The following KYNU variants were observed in gnomAD, a reference collection of about 807,000 sequenced individuals.
KYNU encodes kynureninase, also known as L-kynurenine hydrolase.
KYNU carries 54 observed loss-of-function variants against 59.2 expected under a neutral mutation model. The ratio of observed to expected loss-of-function variants is 0.91; its 90% CI spans 0.73 to 1.14. The LOEUF is 1.14. Ranked by LOEUF, KYNU falls within the 50% of genes most tolerant of loss-of-function variation. The pLI is 0.00. For synonymous variants in KYNU, 177 were observed against 192.0 expected (o/e 0.92, Z 0.65); for missense variants, 567 against 554.4 (o/e 1.02, Z -0.23).
chr2:142,896,056 A>C (rs1326339277), intron 2 of KYNU, among the ~76,000 whole-genome samples: 1 of 152,174 alleles, frequency 6.6e-6, no homozygotes, highest in African/African-American at 2.4e-5. Context: ...TATAAATGTA[A>C]AAACATTCTT....
At chr2:143,030,219 C>T (rs545026992) in intron 11 of KYNU, among the ~76,000 whole-genome samples, 43 of 152,334 alleles carry the variant, frequency 2.8e-4, no homozygotes, top group Admixed American at 2.6e-3. Context: ...CTCATTTTCA[C>T]TCCTCTTTTT....
chr2:142,939,150 A>T (rs192908187), intron 4 of KYNU, among the ~76,000 whole-genome samples: 1 of 151,844 alleles, frequency 6.6e-6, no homozygotes, highest in East Asian at 2.0e-4. Context: ...CCTGTCTCAA[A>T]CAAAACAAAA....
chr2:142,929,487 G>A (rs1288761983), intron 4 of KYNU, among the ~76,000 whole-genome samples: 1 of 151,704 alleles, frequency 6.6e-6, no homozygotes, highest in African/African-American at 2.4e-5. Context: ...TAAAATATTT[G>A]AAGAGTAAAT....
At chr2:142,889,664 T>A (rs1442096635) in intron 2 of KYNU, among the ~76,000 whole-genome samples, 1 of 152,206 alleles carries the variant, frequency 6.6e-6, no homozygotes, top group Non-Finnish European at 1.5e-5. Context: ...TCTTTTTTGT[T>A]TTGACAAGAT....
chr2:142,958,078 A>T, intron 7 of KYNU: 1 of 248,642 alleles, frequency 4.0e-6, no homozygotes, highest in Non-Finnish European at 7.8e-6. Flanking sequence ...GACCAGAATT[A>T]TTTGTTAAAA....
intron 10 of KYNU, among the ~76,000 whole-genome samples, chr2:142,998,366 G>A (rs970038006): frequency 6.6e-6 from 1 of 152,060 alleles, no homozygotes; most frequent in African/African-American, 2.4e-5. Flanking sequence ...ATTTCATTAC[G>A]ATTGCATTTC....
intron 1 of KYNU, among the ~76,000 whole-genome samples, chr2:142,882,037 C>A (rs905564035): frequency 1.3e-5 from 2 of 149,962 alleles, no homozygotes; most frequent in Admixed American, 1.4e-4. Flanking sequence ...CAGGTGTGAA[C>A]CACCACAACC....
intron 4 of KYNU, among the ~76,000 whole-genome samples, chr2:142,940,758 C>T (rs1029882259): frequency 1.3e-5 from 2 of 152,168 alleles, no homozygotes; most frequent in Admixed American, 6.5e-5. Flanking sequence ...ACAAGACTGC[C>T]GCCACTTCAG....
Position 142,955,168 on chromosome 2 carries a change from A to G in KYNU, c.435+297A>G, listed in dbSNP as rs567385886. Among the ~76,000 whole-genome samples the G allele has an allele frequency of 3.0e-4, 45 of 152,170 alleles. 1 individual carries two copies. The South Asian group carries it at 8.9e-3, about 30-fold the overall frequency. ...ATGCAAGCCTACAAAACAGTGATGT[A>G]CAATGCTAGCAAAGCACTGACCTTT... is the stretch of plus-strand genomic sequence containing the variant. On this transcript the variant is annotated intron_variant, in intron 5 of 13. Transcript: ENST00000264170.
intron 10 of KYNU, among the ~76,000 whole-genome samples, chr2:143,028,263 T>TTTTTTA: frequency 6.9e-6 from 1 of 145,164 alleles, no homozygotes; most frequent in Admixed American, 6.9e-5. Context: ...TTTTTTTTTT[T>TTTTTTA]GAGATGGAGT....
intron 2 of KYNU, among the ~76,000 whole-genome samples, chr2:142,893,785 A>T (rs1056561257): frequency 6.6e-6 from 1 of 152,112 alleles, no homozygotes; most frequent in Non-Finnish European, 1.5e-5. Context: ...ATATTCTAAG[A>T]TAATGCAAAT....
intron 10 of KYNU, among the ~76,000 whole-genome samples, chr2:142,999,993 A>C (rs1035155727): frequency 1.3e-5 from 2 of 152,210 alleles, no homozygotes; most frequent in African/African-American, 4.8e-5. Flanking sequence ...GAAGATCAAA[A>C]CCACCAATTA....
intron 2 of KYNU, among the ~76,000 whole-genome samples, chr2:142,892,934 G>A (rs1381635357): frequency 6.6e-6 from 1 of 152,188 alleles, no homozygotes; most frequent in South Asian, 2.1e-4. Flanking sequence ...ACTCTCCCTT[G>A]AGAAAGGTTT....
At chr2:143,000,155 C>T (rs1391754596) in intron 10 of KYNU, among the ~76,000 whole-genome samples, 3 of 152,118 alleles carry the variant, frequency 2.0e-5, no homozygotes, top group African/African-American at 7.2e-5. Context: ...TATTCCCTCC[C>T]CTACTTTTCT....
At chr2:142,891,166 A>G (rs1336059906) in intron 2 of KYNU, among the ~76,000 whole-genome samples, 2 of 152,190 alleles carry the variant, frequency 1.3e-5, no homozygotes, top group African/African-American at 2.4e-5. Context: ...AGTATAATTT[A>G]TGGACCATAA....
At chr2:142,989,091 A>G (rs1174516123) in intron 10 of KYNU, among the ~76,000 whole-genome samples, 1 of 151,952 alleles carries the variant, frequency 6.6e-6, no homozygotes, top group East Asian at 1.9e-4. Flanking sequence ...AATAAGTGTA[A>G]TTGTTCAGAT....
intron 12 of KYNU, among the ~76,000 whole-genome samples, chr2:143,037,579 A>G (rs535942718): frequency 6.6e-6 from 1 of 152,272 alleles, no homozygotes; most frequent in Admixed American, 6.5e-5. Context: ...ACAATTGAAA[A>G]CATCACACCA....
intron 8 of KYNU, among the ~76,000 whole-genome samples, chr2:142,973,690 A>G (rs1039220981): frequency 2.0e-5 from 3 of 152,134 alleles, no homozygotes; most frequent in African/African-American, 7.2e-5. Flanking sequence ...CCCATTGTCT[A>G]ATACCAGCTG....
At position 143,042,074 on chromosome 2, in the gene KYNU, C is replaced by T. The variant is rs150018564; in HGVS notation, c.1300C>T (p.Arg434Ter). 1.1e-5 allele frequency: 17 copies of T among 1,611,352 alleles called. No individual in the cohort carries two copies. Among genetic ancestry groups the T allele is most frequent in the South Asian group, 2.2e-5 (2 of 91,034 alleles). ...VCDKRNPNGI[R>*]VAPVPLYNSF... ...TGACAAGCGGAATCCAAATGGCATT[C>T]GAGTGGCTCCAGTTCCTCTCTATAA... The change falls in exon 14 of 14, where the codon CGA becomes TGA. Residue 434 changes from arginine to a stop codon, truncating the protein, a stop_gained. Transcript: ENST00000264170. LOFTEE classifies it high-confidence loss of function.
Sources: gnomAD v4.1 joint callset for allele counts (sites outside exome capture counted in the v4.1 genomes callset) on GRCh38, gnomAD v4.1.1 for gene constraint, MANE v1.5 for transcripts, NCBI Gene and HGNC (gene_info 2026-07-23, HGNC 2026-07-21) for gene names.